Variants in PTPRO observed in about 807,000 individuals in gnomAD.
PTPRO encodes the protein protein tyrosine phosphatase receptor type O, also known as receptor-type tyrosine-protein phosphatase O.
PTPRO carries 62 observed loss-of-function variants against 145.2 expected under a neutral mutation model. The ratio of observed to expected loss-of-function variants is 0.43; its 90% CI spans 0.35 to 0.53. The LOEUF is 0.53. PTPRO is among the 20% of genes least tolerant of loss of function. The pLI, the probability that PTPRO is intolerant of heterozygous loss-of-function variation, is 0.01. For synonymous variants in PTPRO, 565 were observed against 514.7 expected (o/e 1.10, Z -1.32); for missense variants, 1,345 against 1,482.7 (o/e 0.91, Z 1.53).
intron 1 of PTPRO, among the ~76,000 whole-genome samples, chr12:15,402,054 C>T (rs1939509325): frequency 6.6e-6 from 1 of 152,108 alleles, no homozygotes; most frequent in South Asian, 2.1e-4. Context: ...TGAAAGGAGG[C>T]TTTGGGACTT....
At chr12:15,374,901 C>T (rs1446592267) in intron 1 of PTPRO, among the ~76,000 whole-genome samples, 1 of 152,104 alleles carries the variant, frequency 6.6e-6, no homozygotes, top group Non-Finnish European at 1.5e-5. Context: ...AAAGAGTGCC[C>T]CAGTCCCTCA....
At chr12:15,398,231 T>G (rs1357370864) in intron 1 of PTPRO, among the ~76,000 whole-genome samples, 1 of 152,204 alleles carries the variant, frequency 6.6e-6, no homozygotes, top group African/African-American at 2.4e-5. Flanking sequence ...TAAAAGCGGT[T>G]GTTCACAGCA....
At chr12:15,464,016 G>A (rs989440211) in intron 1 of PTPRO, among the ~76,000 whole-genome samples, 1 of 152,108 alleles carries the variant, frequency 6.6e-6, no homozygotes, top group African/African-American at 2.4e-5. Flanking sequence ...TAGATGATAG[G>A]TGAGGTCTCA....
intron 1 of PTPRO, among the ~76,000 whole-genome samples, chr12:15,343,578 C>G (rs999646799): frequency 6.6e-6 from 1 of 152,068 alleles, no homozygotes; most frequent in Non-Finnish European, 1.5e-5. Context: ...GTTCCAGCTA[C>G]TTCAGAGGCT....
intron 1 of PTPRO, among the ~76,000 whole-genome samples, chr12:15,379,067 A>G (rs997173490): frequency 1.3e-5 from 2 of 152,170 alleles, no homozygotes; most frequent in Admixed American, 1.3e-4. Flanking sequence ...TAGAACCCTC[A>G]TACATTGCTG....
At position 15,342,795 on chromosome 12, in the gene PTPRO, T is replaced by C. The variant is rs142395983; in HGVS notation, c.75+19994T>C. ...GCCTTGAAAACTAAGCCTTTCTTAG[T>C]ATGTCAAGCTGTTGCTTTGGGGTTT... On this transcript the variant is annotated intron_variant, in intron 1 of 26. Coordinates refer to ENST00000281171, the MANE Select transcript of PTPRO (RefSeq NM_030667.3). Among the ~76,000 whole-genome samples, 499 of 152,318 alleles carry C rather than the reference T, an allele frequency of 3.3e-3. 3 individuals are homozygous for C. The highest frequency in any genetic ancestry group is 5.9e-3 in the Non-Finnish European group (403 of 68,028).
chr12:15,460,747 T>C (rs768840934), intron 1 of PTPRO, among the ~76,000 whole-genome samples: 1 of 152,240 alleles, frequency 6.6e-6, no homozygotes, highest in African/African-American at 2.4e-5. Flanking sequence ...TACGTTTAAG[T>C]AAGAATTTTC....
chr12:15,344,914 G>A (rs558306127), intron 1 of PTPRO, among the ~76,000 whole-genome samples: 198 of 152,306 alleles, frequency 1.3e-3, no homozygotes, highest in African/African-American at 4.5e-3. Context: ...AGGTTGAAAT[G>A]GGATATGATT....
intron 5 of PTPRO, among the ~76,000 whole-genome samples, chr12:15,502,989 A>G (rs1056812410): frequency 6.6e-6 from 1 of 152,198 alleles, no homozygotes; most frequent in Non-Finnish European, 1.5e-5. Flanking sequence ...CATGAGATAC[A>G]AAATCTGTGG....
chr12:15,515,987 G>GTTTT lies in PTPRO; in HGVS notation c.1585+370_1585+373dup, dbSNP rs1387922121. On this transcript the variant is annotated intron_variant, in intron 8 of 26. Transcript: ENST00000281171. ...GTTTTGTTTGTCTGGTTTTTTTTTT[G>GTTTT]TTTTGTTTTTTTTTTTTTTTGGAGA... 8.3e-4 allele frequency among the ~76,000 whole-genome samples: 67 copies of GTTTT among 80,658 alleles called. 4 individuals carry two copies. Among genetic ancestry groups the GTTTT allele is most frequent in the East Asian group, 1.1e-3 (3 of 2,614 alleles). 52.9% of individuals were successfully genotyped at this position (80,658 alleles called of 152,430 possible).
At chr12:15,376,293 G>A (rs988332206) in intron 1 of PTPRO, among the ~76,000 whole-genome samples, 4 of 152,008 alleles carry the variant, frequency 2.6e-5, no homozygotes, top group South Asian at 2.1e-4. Context: ...AAATACAGTG[G>A]AACTAACATT....
At chr12:15,433,295 C>T (rs1438618787) in intron 1 of PTPRO, among the ~76,000 whole-genome samples, 1 of 151,802 alleles carries the variant, frequency 6.6e-6, no homozygotes, top group Non-Finnish European at 1.5e-5. Flanking sequence ...CCTGCCTCAG[C>T]CTCCTGAGTA....
chr12:15,560,030 G>A (rs573905348), intron 16 of PTPRO, among the ~76,000 whole-genome samples, 163 bp from the exon 17 acceptor site: 4 of 152,142 alleles, frequency 2.6e-5, no homozygotes, highest in South Asian at 2.1e-4. Flanking sequence ...ATTTAAGCCC[G>A]CACATTTATA....
In PTPRO at chr12:15,526,215, G is replaced by A. The variant is rs770281781; in HGVS notation, c.2117G>A (p.Cys706Tyr). ...GDIYNLSVTA[C>Y]TERGSNTSML... is the part of the protein sequence containing the mutation. ...ATCTATAACCTCTCAGTAACTGCTT[G>A]TACTGAAAGAGGAAGTAATACCTCC... Residue 706 changes from cysteine to tyrosine, a missense_variant, in exon 12 of 27, where the codon TGT becomes TAT. Around this residue, in one of 3 missense-constraint regions of PTPRO, gnomAD observed 1,130 missense variants for 1,214.7 expected, o/e 0.93. Coordinates refer to ENST00000281171, the MANE Select transcript of PTPRO (RefSeq NM_030667.3). 1 of 1,613,740 alleles carries A rather than the reference G, an allele frequency of 6.2e-7. No homozygotes were observed. Among genetic ancestry groups the A allele is most frequent in the South Asian group, 1.1e-5 (1 of 91,068 alleles).
intron 1 of PTPRO, among the ~76,000 whole-genome samples, chr12:15,408,866 G>T (rs961510948): frequency 2.6e-5 from 4 of 152,032 alleles, no homozygotes; most frequent in African/African-American, 9.7e-5. Context: ...GTAAAATGAA[G>T]TATAGATATA....
intron 1 of PTPRO, among the ~76,000 whole-genome samples, chr12:15,466,814 C>T (rs1220982297): frequency 6.6e-6 from 1 of 152,164 alleles, no homozygotes; most frequent in Non-Finnish European, 1.5e-5. Flanking sequence ...CCCTGTAACT[C>T]CTCATGTAAT....
intron 2 of PTPRO, among the ~76,000 whole-genome samples, chr12:15,494,100 T>C (rs991102192): frequency 2.0e-5 from 3 of 152,138 alleles, no homozygotes; most frequent in African/African-American, 7.2e-5. Context: ...AGAAGATAAA[T>C]ACCAGATTCA....
intron 1 of PTPRO, chr12:15,440,106 T>G: frequency 4.7e-6 from 3 of 632,270 alleles, no homozygotes; most frequent in Non-Finnish European, 8.6e-6. Context: ...CTGGTGCACC[T>G]CATCCCTGAG....
intron 1 of PTPRO, among the ~76,000 whole-genome samples, chr12:15,344,364 T>C (rs1867121210): frequency 6.6e-6 from 1 of 152,178 alleles, no homozygotes; most frequent in Admixed American, 6.5e-5. Context: ...CTTTTGCAAA[T>C]AAATAATTCT....
Sources: gnomAD v4.1 joint callset for allele counts (sites outside exome capture counted in the v4.1 genomes callset) on GRCh38, gnomAD v4.1.1 for gene constraint, gnomAD v4.1.1 regional missense constraint, MANE v1.5 for transcripts, NCBI Gene and HGNC (gene_info 2026-07-23, HGNC 2026-07-21) for gene names.